The following PEBP4 variants were observed in gnomAD, a reference collection of about 807,000 sequenced individuals.
PEBP4 encodes phosphatidylethanolamine binding protein 4.
Under a neutral mutation model 23.9 loss-of-function variants are expected in PEBP4, and 22 were observed. That is an observed-to-expected ratio of 0.92 (90% CI 0.66 to 1.31). The LOEUF (loss-of-function observed/expected upper bound fraction) is 1.31, where lower values mean the gene tolerates loss of function less well. PEBP4 is among the 40% of genes most tolerant of loss of function. The pLI is 0.00. For missense variants in PEBP4, 324 were observed against 281.7 expected (o/e 1.15, Z -1.07); for synonymous variants, 112 against 99.3 (o/e 1.13, Z -0.76).
intron 4 of PEBP4, among the ~76,000 whole-genome samples, chr8:22,778,982 G>A (rs919428048): frequency 4.0e-5 from 6 of 151,874 alleles, no homozygotes; most frequent in Non-Finnish European, 7.4e-5. Flanking sequence ...GTCTGCCTGC[G>A]TGGGGGGCAC....
At chr8:22,729,358 T>G (rs1052178955) in intron 4 of PEBP4, among the ~76,000 whole-genome samples, 1 of 152,254 alleles carries the variant, frequency 6.6e-6, no homozygotes, top group African/African-American at 2.4e-5. Context: ...AGCCAGCGGT[T>G]GTTTAAACAA....
At chr8:22,778,931 G>T (rs574468696) in intron 4 of PEBP4, among the ~76,000 whole-genome samples, 1 of 152,284 alleles carries the variant, frequency 6.6e-6, no homozygotes, top group East Asian at 1.9e-4. Context: ...GTCGGAGGCT[G>T]TCCTCGGAGG....
At chr8:22,827,402 C>A (rs917690575) in intron 3 of PEBP4, among the ~76,000 whole-genome samples, 10 of 152,156 alleles carry the variant, frequency 6.6e-5, no homozygotes, top group African/African-American at 2.2e-4. Flanking sequence ...CTTATTCCCC[C>A]CGCCAGTTCC....
rs201319025 is a variant in PEBP4 at position 22,713,350 on chromosome 8, C to G, written c.*20G>C. ...GTGGTGGGCAGTGTGGCCACATGCC[C>G]GGATGGCAAAGCCGGCTATCTAGCA... On this transcript the variant is annotated 3_prime_UTR_variant, in exon 7 of 7. Coordinates refer to ENST00000256404, the MANE Select transcript of PEBP4 (RefSeq NM_144962.3). 1.7e-4 allele frequency: 258 copies of G among 1,561,980 alleles called. No individual in the cohort carries two copies. In the East Asian group the frequency reaches 5.3e-3, roughly 32 times the overall value.
At chr8:22,815,142 A>G (rs1436107269) in intron 4 of PEBP4, 1 of 152,226 alleles carries the variant, frequency 6.6e-6, no homozygotes, top group Non-Finnish European at 1.5e-5. Context: ...GATTATGTCT[A>G]TTTCACAAAG....
rs892585652 is a variant in PEBP4, at chr8:22,902,501, A to T, written c.258+17683T>A. Among the ~76,000 whole-genome samples, 6 of 152,068 alleles carry T rather than the reference A, an allele frequency of 3.9e-5. No individual in the cohort carries two copies. The East Asian group carries it at 1.2e-3, about 29-fold the overall frequency. The stretch of plus-strand genomic sequence containing the variant: ...TCCATGAGACCTTGGTGAGGATATG[A>T]CAAGCCCCATGTTGCTTCATGTAGG... On this transcript the variant is annotated intron_variant, in intron 3 of 6. Transcript: ENST00000256404.
intron 3 of PEBP4, among the ~76,000 whole-genome samples, chr8:22,891,574 T>G (rs1417387895): frequency 6.6e-6 from 1 of 152,218 alleles, no homozygotes; most frequent in Non-Finnish European, 1.5e-5. Flanking sequence ...GGGAAGCTCC[T>G]GATGCAAAAT....
intron 4 of PEBP4, among the ~76,000 whole-genome samples, chr8:22,813,003 C>T (rs1204571561): frequency 6.6e-6 from 1 of 152,180 alleles, no homozygotes; most frequent in Non-Finnish European, 1.5e-5. Context: ...ACCGATCACT[C>T]AAGCACAAGT....
chr8:22,783,001 A>G (rs566699870), intron 4 of PEBP4, among the ~76,000 whole-genome samples: 60 of 152,336 alleles, frequency 3.9e-4, no homozygotes, highest in African/African-American at 1.4e-3. Context: ...TCCAGCTGCC[A>G]GCAACTGCAG....
intron 3 of PEBP4, among the ~76,000 whole-genome samples, chr8:22,868,490 C>T (rs984097972): frequency 6.6e-6 from 1 of 152,024 alleles, no homozygotes; most frequent in African/African-American, 2.4e-5. Flanking sequence ...CCTTTTTATT[C>T]CCCACAGAAC....
At chr8:22,717,365 C>T (rs1001896945) in intron 6 of PEBP4, among the ~76,000 whole-genome samples, 3 of 152,208 alleles carry the variant, frequency 2.0e-5, no homozygotes, top group East Asian at 1.9e-4. Context: ...TCCCAACAGC[C>T]GAGGACAGCA....
intron 6 of PEBP4, among the ~76,000 whole-genome samples, chr8:22,724,101 G>T (rs938680805): frequency 6.6e-6 from 1 of 152,204 alleles, no homozygotes; most frequent in Non-Finnish European, 1.5e-5. Flanking sequence ...GAGTGCAGGG[G>T]TGGCTTTATT....
intron 4 of PEBP4, among the ~76,000 whole-genome samples, chr8:22,788,383 G>A (rs745332757): frequency 4.6e-5 from 7 of 152,328 alleles, no homozygotes; most frequent in Non-Finnish European, 8.8e-5. Flanking sequence ...GCTCTTAGGC[G>A]GAAGCCGTGT....
At chr8:22,935,766 G>A (rs889912058) in intron 1 of PEBP4, among the ~76,000 whole-genome samples, 1 of 151,974 alleles carries the variant, frequency 6.6e-6, no homozygotes, top group Non-Finnish European at 1.5e-5. Context: ...TTAGACTTAG[G>A]TCCCATCTCC....
At chr8:22,730,768 G>A (rs888437805) in intron 4 of PEBP4, among the ~76,000 whole-genome samples, 4 of 152,158 alleles carry the variant, frequency 2.6e-5, no homozygotes, top group South Asian at 4.2e-4. Context: ...AGAAGAGATC[G>A]GCTTTGGAAG....
chr8:22,749,745 C>T (rs1022522155), intron 4 of PEBP4, among the ~76,000 whole-genome samples: 8 of 150,464 alleles, frequency 5.3e-5, no homozygotes, highest in Non-Finnish European at 1.2e-4. Context: ...ATCCATAGGA[C>T]CAGTCACGGG....
intron 4 of PEBP4, among the ~76,000 whole-genome samples, chr8:22,748,983 T>C (rs1386895069): frequency 6.6e-6 from 1 of 152,092 alleles, no homozygotes; most frequent in Non-Finnish European, 1.5e-5. Context: ...CAGATGGGTC[T>C]GTGGAGAATT....
At chr8:22,801,368 A>T (rs148763783) in intron 4 of PEBP4, among the ~76,000 whole-genome samples, 34 of 152,250 alleles carry the variant, frequency 2.2e-4, no homozygotes, top group Non-Finnish European at 4.4e-4. Flanking sequence ...ACCCAGGTCC[A>T]CCTGGTGTCA....
intron 6 of PEBP4, 28 bp from the exon 7 acceptor site, chr8:22,713,564 G>A (rs374404844): frequency 1.6e-5 from 26 of 1,613,832 alleles, no homozygotes; most frequent in Non-Finnish European, 2.0e-5. Context: ...CCACAGGGAG[G>A]CAGTGAGAAA....
Sources: allele counts gnomAD v4.1 joint callset (sites outside exome capture counted in the v4.1 genomes callset), GRCh38; gene constraint gnomAD v4.1.1; transcripts MANE v1.5; gene names NCBI Gene and HGNC (gene_info 2026-07-23, HGNC 2026-07-21).